CDH2: variants seen among roughly 807,000 people sequenced by gnomAD.
CDH2 encodes cadherin-2.
Under a neutral mutation model 92.0 loss-of-function variants are expected in CDH2, and 17 were observed. The ratio of observed to expected loss-of-function variants is 0.18; its 90% CI spans 0.13 to 0.28. The LOEUF (loss-of-function observed/expected upper bound fraction) is 0.28, where lower values mean the gene tolerates loss of function less well. Ranked by LOEUF, CDH2 falls within the 10% of genes least tolerant of loss-of-function variation. CDH2 has a pLI of 1.00. For missense variants in CDH2, 862 were observed against 1,133.1 expected (o/e 0.76, Z 3.44); for synonymous variants, 419 against 415.9 (o/e 1.01, Z -0.09).
intron 2 of CDH2, among the ~76,000 whole-genome samples, chr18:28,146,918 A>G (rs1018597584): frequency 6.6e-6 from 1 of 152,168 alleles, no homozygotes. Context: ...GTAATAATAA[A>G]TAAGTCCATG....
intron 2 of CDH2, among the ~76,000 whole-genome samples, chr18:28,048,876 C>G (rs1011947119): frequency 1.3e-5 from 2 of 152,022 alleles, no homozygotes; most frequent in Non-Finnish European, 2.9e-5. Flanking sequence ...AAACAGCCCT[C>G]TCCACCCACT....
chr18:28,152,735 A>T (rs2016144403), intron 1 of CDH2, among the ~76,000 whole-genome samples: 1 of 152,168 alleles, frequency 6.6e-6, no homozygotes, highest in Non-Finnish European at 1.5e-5. Context: ...GCACAGACCG[A>T]ATGCATCTGA....
At chr18:28,104,880 T>A (rs1426495131) in intron 2 of CDH2, among the ~76,000 whole-genome samples, 1 of 152,004 alleles carries the variant, frequency 6.6e-6, no homozygotes, top group Non-Finnish European at 1.5e-5. Flanking sequence ...GATGATAATT[T>A]TACTTGTAGA....
At chr18:27,933,699 G>A (rs1175191507) in intron 6 of CDH2, among the ~76,000 whole-genome samples, 2 of 152,318 alleles carry the variant, frequency 1.3e-5, no homozygotes, top group East Asian at 1.9e-4. Context: ...TCGGATGCCC[G>A]AAGTCACTAA....
At chr18:28,109,067 A>G (rs2015368801) in intron 2 of CDH2, among the ~76,000 whole-genome samples, 1 of 152,184 alleles carries the variant, frequency 6.6e-6, no homozygotes, top group Non-Finnish European at 1.5e-5. Flanking sequence ...CACAGCCACC[A>G]TGCCATGGGA....
intron 2 of CDH2, among the ~76,000 whole-genome samples, chr18:28,091,242 A>C (rs1023711564): frequency 6.6e-6 from 1 of 152,226 alleles, no homozygotes; most frequent in African/African-American, 2.4e-5. Context: ...TTGAGAGCAA[A>C]GGTGATAAAA....
At chr18:28,079,689 G>A (rs1036402217) in intron 2 of CDH2, among the ~76,000 whole-genome samples, 2 of 152,188 alleles carry the variant, frequency 1.3e-5, no homozygotes, top group African/African-American at 2.4e-5. Context: ...AAGCCCCTGA[G>A]AAGGGGAGAG....
chr18:28,100,319 A>T (rs2015206581), intron 2 of CDH2, among the ~76,000 whole-genome samples: 1 of 152,232 alleles, frequency 6.6e-6, no homozygotes, highest in South Asian at 2.1e-4. Flanking sequence ...ATTCTGAGTA[A>T]GAGAGAACTC....
intron 1 of CDH2, among the ~76,000 whole-genome samples, chr18:28,149,527 A>G (rs1364292870): frequency 6.6e-6 from 1 of 152,248 alleles, no homozygotes; most frequent in Non-Finnish European, 1.5e-5. Context: ...CAGACTGAAG[A>G]CAAGGCACAC....
At chr18:27,964,263 G>A (rs1177008048) in intron 14 of CDH2, among the ~76,000 whole-genome samples, 3 of 152,134 alleles carry the variant, frequency 2.0e-5, no homozygotes, top group Non-Finnish European at 4.4e-5. Context: ...CAATCTGTCC[G>A]CTTTCAGAGA....
chr18:27,976,428 G>A (rs1013636893), intron 14 of CDH2, among the ~76,000 whole-genome samples: 3 of 152,216 alleles, frequency 2.0e-5, no homozygotes, highest in African/African-American at 7.2e-5. Context: ...GCTGCTGGAT[G>A]TTCCAGTTCT....
chr18:28,110,974 G>C (rs1262705639), intron 2 of CDH2, among the ~76,000 whole-genome samples: 1 of 152,134 alleles, frequency 6.6e-6, no homozygotes, highest in Non-Finnish European at 1.5e-5. Context: ...GTTAGCATGA[G>C]AAAGGAAAGA....
chr18:27,974,335 G>A (rs888381024), intron 14 of CDH2, among the ~76,000 whole-genome samples: 1 of 152,016 alleles, frequency 6.6e-6, no homozygotes, highest in African/African-American at 2.4e-5. Flanking sequence ...GCTTAAAGAG[G>A]GAAAATCTCT....
chr18:28,084,084 AAAC>A (rs1235233331), intron 2 of CDH2, among the ~76,000 whole-genome samples: 4 of 152,204 alleles, frequency 2.6e-5, no homozygotes, highest in Admixed American at 6.5e-5. Flanking sequence ...TCAAATGAAC[AAAC>A]AACAACAATA....
intron 8 of CDH2, 69 bp from the exon 9 acceptor site, chr18:27,992,909 C>T: frequency 8.6e-7 from 1 of 1,157,976 alleles, no homozygotes; most frequent in Non-Finnish European, 1.2e-6. Context: ...TCTTGATGAC[C>T]ACACCGTCCG....
rs1020497754 is a variant in CDH2, at chr18:28,176,888, G to A, written c.60+75C>T. ...GGGTGCGCAGCCCGGCCCCGCAGCGGCGCGGGGAACAAAGGGACCCGGCGC... is the reference window on the plus strand; with the variant it reads ...GGGTGCGCAGCCCGGCCCCGCAGCGACGCGGGGAACAAAGGGACCCGGCGC... On this transcript the variant is annotated intron_variant, in intron 1 of 15. Transcript: ENST00000269141. 25 of 846,670 alleles carry A rather than the reference G, an allele frequency of 3.0e-5. No homozygotes were observed. In the African/African-American group the frequency reaches 3.8e-4, roughly 13 times the overall value. 52.4% of individuals were successfully genotyped at this position (846,670 alleles called of 1,614,324 possible).
chr18:28,069,426 T>C (rs1234913876), intron 2 of CDH2, among the ~76,000 whole-genome samples: 1 of 152,186 alleles, frequency 6.6e-6, no homozygotes, highest in East Asian at 1.9e-4. Context: ...CCTCCTCATT[T>C]TGAAGTCTTT....
intron 1 of CDH2, among the ~76,000 whole-genome samples, chr18:28,165,722 T>TC (rs1301068922): frequency 2.0e-5 from 3 of 151,658 alleles, no homozygotes; most frequent in African/African-American, 4.9e-5. Flanking sequence ...TTTTTTTTTT[T>TC]CTTTTTTCTT....
rs1413431031 is a variant in CDH2 at position 27,954,981 on chromosome 18, A to G, written c.2515-2622T>C. Among the ~76,000 whole-genome samples, 3 of 152,218 alleles carry G rather than the reference A, an allele frequency of 2.0e-5. No homozygotes were observed. In the East Asian group the frequency reaches 5.8e-4, roughly 29 times the overall value. The stretch of plus-strand genomic sequence containing the variant: ...TGGGGTCATACAAGTAGGCCCAAGA[A>G]GGATCTGAAGAAAAAACAAGAAAAA... On this transcript the variant is annotated intron_variant, in intron 15 of 15. Transcript: ENST00000269141.
Sources: gnomAD v4.1 joint callset for allele counts (sites outside exome capture counted in the v4.1 genomes callset) on GRCh38, gnomAD v4.1.1 for gene constraint, MANE v1.5 for transcripts, NCBI Gene and HGNC (gene_info 2026-07-23, HGNC 2026-07-21) for gene names.